PRKACB: variants seen among roughly 807,000 people sequenced by gnomAD.
PRKACB encodes the protein cAMP-dependent protein kinase catalytic subunit beta.
A neutral mutation model predicts 51.4 loss-of-function variants in PRKACB; 16 were observed. That is an observed-to-expected ratio of 0.31 (90% CI 0.21 to 0.47). PRKACB has a LOEUF of 0.47. Among genes scored for constraint, PRKACB ranks in the 20% least tolerant of loss-of-function variants. The probability of loss-of-function intolerance (pLI) is 1.00; values close to 1 mark genes in which losing one functional copy is unlikely to be tolerated. For synonymous variants in PRKACB, 147 were observed against 154.4 expected (o/e 0.95, Z 0.35); for missense variants, 309 against 464.5 (o/e 0.67, Z 3.08).
chr1:84,235,007 A>G (rs576406326), intron 9 of PRKACB, among the ~76,000 whole-genome samples, 173 bp from the exon 10 acceptor site: 161 of 152,326 alleles, frequency 1.1e-3, no homozygotes, highest in African/African-American at 3.8e-3. Context: ...TGTTGAGGTT[A>G]ATAGCTAACC....
chr1:84,208,663 T>G (rs1168583354), intron 8 of PRKACB, among the ~76,000 whole-genome samples: 1 of 152,174 alleles, frequency 6.6e-6, no homozygotes, highest in Non-Finnish European at 1.5e-5. Context: ...AATTCAAAAA[T>G]TCAGTTTCAG....
chr1:84,207,006 T>C lies in PRKACB; in HGVS notation c.906+4201T>C, dbSNP rs954975043. 4.6e-5 allele frequency among the ~76,000 whole-genome samples: 7 copies of C among 152,360 alleles called. No individual in the cohort carries two copies. In the South Asian group the frequency reaches 6.2e-4, roughly 14 times the overall value. On this transcript the variant is annotated intron_variant, in intron 8 of 9. Coordinates refer to ENST00000370685, the MANE Select transcript of PRKACB (RefSeq NM_182948.4). The stretch of plus-strand genomic sequence containing the variant: ...TAATGCTTTTGGGGAAATTACAATG[T>C]CATTTACTATTTTGCTATGGCCATA...
intron 1 of PRKACB, among the ~76,000 whole-genome samples, chr1:84,087,107 A>G (rs908653266): frequency 6.6e-6 from 1 of 152,256 alleles, no homozygotes; most frequent in Non-Finnish European, 1.5e-5. Context: ...TTCTTATGTG[A>G]AACCATTAAT....
intron 8 of PRKACB, among the ~76,000 whole-genome samples, chr1:84,210,395 T>A (rs1572459497): frequency 6.6e-6 from 1 of 151,994 alleles, no homozygotes; most frequent in East Asian, 1.9e-4. Flanking sequence ...GCTTAATGAT[T>A]TTAGACTTTC....
At chr1:84,199,273 A>G (rs1336963112) in intron 7 of PRKACB, among the ~76,000 whole-genome samples, 1 of 151,812 alleles carries the variant, frequency 6.6e-6, no homozygotes, top group Admixed American at 6.6e-5. Flanking sequence ...CAGTACCCAT[A>G]GTTATCTTTT....
intron 8 of PRKACB, among the ~76,000 whole-genome samples, chr1:84,209,086 A>G (rs754860694): frequency 6.6e-6 from 1 of 152,170 alleles, no homozygotes; most frequent in Non-Finnish European, 1.5e-5. Flanking sequence ...TCAGTGATTC[A>G]TTTGTTATTC....
intron 1 of PRKACB, among the ~76,000 whole-genome samples, chr1:84,110,801 C>A (rs577337782): frequency 3.3e-5 from 5 of 152,124 alleles, no homozygotes; most frequent in African/African-American, 7.2e-5. Flanking sequence ...CCTGCAAAGT[C>A]AAATTGGGGA....
At chr1:84,168,999 AT>A (rs1658480418) in intron 1 of PRKACB, among the ~76,000 whole-genome samples, 2 of 151,638 alleles carry the variant, frequency 1.3e-5, no homozygotes, top group East Asian at 3.9e-4. Context: ...TGTACGCTAA[AT>A]GATGTGAAGA....
chr1:84,130,384 A>C (rs967943057), intron 1 of PRKACB, among the ~76,000 whole-genome samples: 1 of 152,102 alleles, frequency 6.6e-6, no homozygotes, highest in Non-Finnish European at 1.5e-5. Context: ...TGACCAAACA[A>C]GTACCTCAAA....
At chr1:84,178,391 A>G (rs757957982) in intron 1 of PRKACB, among the ~76,000 whole-genome samples, 2 of 152,010 alleles carry the variant, frequency 1.3e-5, no homozygotes, top group African/African-American at 2.4e-5. Context: ...GAAAATGGGG[A>G]AAGTTTTAAC....
chr1:84,119,037 G>A (rs958879663), intron 1 of PRKACB, among the ~76,000 whole-genome samples: 14 of 152,098 alleles, frequency 9.2e-5, no homozygotes, highest in Non-Finnish European at 1.8e-4. Context: ...ACAGCATTTA[G>A]GCATTGCAGT....
Position 84,205,894 on chromosome 1 carries a change from G to C in PRKACB, c.906+3089G>C, listed in dbSNP as rs1487186464. On this transcript the variant is annotated intron_variant, in intron 8 of 9. Coordinates refer to ENST00000370685, the MANE Select transcript of PRKACB (RefSeq NM_182948.4). ...CTACAAATTCATAGTTGAAAGAAAAGATTTATGATTCCTGCATTAACTATG... is the reference window on the plus strand; with the variant it reads ...CTACAAATTCATAGTTGAAAGAAAACATTTATGATTCCTGCATTAACTATG... Among the ~76,000 whole-genome samples the C allele has an allele frequency of 2.0e-5, 3 of 152,020 alleles. No individual in the cohort carries two copies. In the East Asian group the frequency reaches 5.8e-4, roughly 29 times the overall value.
At chr1:84,202,937 C>G (rs1484101108) in intron 8 of PRKACB, 132 bp downstream of exon 8, 1 of 799,802 alleles carries the variant, frequency 1.3e-6, no homozygotes, top group Non-Finnish European at 1.8e-6. Flanking sequence ...AGTTGCTGCT[C>G]TTACTATCAT....
chr1:84,232,001 A>C (rs1398349237), intron 9 of PRKACB, among the ~76,000 whole-genome samples: 2 of 150,374 alleles, frequency 1.3e-5, no homozygotes, highest in Non-Finnish European at 3.0e-5. Flanking sequence ...TAGTTCTTTT[A>C]ATTGTGATGT....
intron 8 of PRKACB, chr1:84,204,959 T>A (rs1671100651): frequency 1.0e-6 from 1 of 978,536 alleles, no homozygotes; most frequent in Non-Finnish European, 1.2e-6. Context: ...TAAAATTTTG[T>A]ATCTAATAAT....
chr1:84,124,166 A>G (rs559198381), intron 1 of PRKACB, among the ~76,000 whole-genome samples: 11 of 152,334 alleles, frequency 7.2e-5, no homozygotes, highest in Non-Finnish European at 1.3e-4. Context: ...GTAAGAAATG[A>G]TATGAGAAAC....
intron 1 of PRKACB, among the ~76,000 whole-genome samples, chr1:84,099,063 G>C (rs1032467418): frequency 4.6e-5 from 7 of 152,032 alleles, no homozygotes; most frequent in South Asian, 2.1e-4. Flanking sequence ...AGACAGGGTA[G>C]GGTGGGAATG....
chr1:84,121,869 A>G (rs1651106893), intron 1 of PRKACB, among the ~76,000 whole-genome samples: 1 of 152,082 alleles, frequency 6.6e-6, no homozygotes, highest in African/African-American at 2.4e-5. Context: ...TGGGGTCTAT[A>G]GGACATAAAT....
At position 84,214,193 on chromosome 1, in the gene PRKACB, T is replaced by C; in HGVS notation, c.947T>C (p.Leu316Pro). The part of the protein sequence containing the change: ...PSHFSSDLKD[L>P]LRNLLQVDLT... ...CACTTCAGTTCAGATCTCAAGGACC[T>C]TCTACGGAACCTGCTGCAGGTGGAT... The change falls in exon 9 of 10, where the codon CTT (leucine) becomes CCT (proline). Residue 316 changes from leucine (L) to proline (P), a missense_variant. Leu to Pro is a moderately conservative substitution (Grantham distance 98, BLOSUM62 -3). This residue lies in a region of PRKACB where 96 missense variants were observed against 129.9 expected (regional missense o/e 0.74). Coordinates refer to ENST00000370685, the MANE Select transcript of PRKACB (RefSeq NM_182948.4). 1 of 1,613,320 alleles carries C rather than the reference T, an allele frequency of 6.2e-7. No individual in the cohort carries two copies. The highest frequency in any genetic ancestry group is 8.5e-7 in the Non-Finnish European group (1 of 1,179,642).
Sources: gnomAD v4.1 joint callset for allele counts (sites outside exome capture counted in the v4.1 genomes callset) on GRCh38, gnomAD v4.1.1 for gene constraint, gnomAD v4.1.1 regional missense constraint, MANE v1.5 for transcripts, NCBI Gene and HGNC (gene_info 2026-07-23, HGNC 2026-07-21) for gene names.